The following GLDC variants were observed in gnomAD, a reference collection of about 807,000 sequenced individuals.
GLDC encodes the protein glycine decarboxylase, also known as glycine dehydrogenase (decarboxylating), mitochondrial.
Under a neutral mutation model 121.3 loss-of-function variants are expected in GLDC, and 104 were observed. That is an observed-to-expected ratio of 0.86 (90% CI 0.73 to 1.01). The LOEUF is 1.01. GLDC is among the 50% of genes least tolerant of loss of function. GLDC has a pLI of 0.00. For synonymous variants in GLDC, 546 were observed against 480.6 expected (o/e 1.14, Z -1.78); for missense variants, 1,429 against 1,306.6 (o/e 1.09, Z -1.44).
intron 15 of GLDC, among the ~76,000 whole-genome samples, chr9:6,582,653 C>T (rs914354145): frequency 6.6e-6 from 1 of 151,972 alleles, no homozygotes; most frequent in Admixed American, 6.6e-5. Flanking sequence ...CACGGTGAAA[C>T]CCTGTCTCTA....
At chr9:6,539,596 G>T (rs748309954) in intron 22 of GLDC, among the ~76,000 whole-genome samples, 1 of 152,166 alleles carries the variant, frequency 6.6e-6, no homozygotes, top group African/African-American at 2.4e-5. Flanking sequence ...TAAAGTGTCC[G>T]TGTCTTTCAA....
intron 8 of GLDC, among the ~76,000 whole-genome samples, 197 bp downstream of exon 8, chr9:6,601,912 T>A: frequency 6.6e-6 from 1 of 152,196 alleles, no homozygotes; most frequent in South Asian, 2.1e-4. Context: ...ATTACAGGCA[T>A]GAGCCACCGT....
intron 15 of GLDC, among the ~76,000 whole-genome samples, chr9:6,571,702 G>C (rs1431048116): frequency 1.3e-5 from 2 of 152,086 alleles, no homozygotes; most frequent in East Asian, 1.9e-4. Context: ...TATTTAGAAT[G>C]GTGTACAATT....
chr9:6,623,361 T>A (rs926928841), intron 2 of GLDC, among the ~76,000 whole-genome samples: 1 of 143,388 alleles, frequency 7.0e-6, no homozygotes, highest in Admixed American at 7.2e-5. Context: ...CCACTCAGGG[T>A]TAAATGGATT....
chr9:6,584,253 G>C (rs60251520), intron 15 of GLDC, among the ~76,000 whole-genome samples: 1,922 of 152,308 alleles, frequency 0.013, 27 homozygotes, highest in African/African-American at 0.044. Flanking sequence ...ATGGTTCCTT[G>C]ATGACACCTG....
At chr9:6,621,875 A>T (rs117052285) in intron 2 of GLDC, among the ~76,000 whole-genome samples, 1 of 152,164 alleles carries the variant, frequency 6.6e-6, no homozygotes, top group Admixed American at 6.5e-5. Flanking sequence ...ACCTCTCTGC[A>T]TAGAGATAGA....
chr9:6,592,818 A>G lies in GLDC; in HGVS notation c.1401+33T>C, dbSNP rs754115536. On this transcript the variant is annotated intron_variant, in intron 10 of 24. Coordinates refer to ENST00000321612, the MANE Select transcript of GLDC (RefSeq NM_000170.3). ...AATGAGAAACAATGTGAAAATTTGA[A>G]AAACTGGTAAAAATACTGAAAATTT... is the stretch of plus-strand genomic sequence containing the variant. 2.5e-6 allele frequency: 4 copies of G among 1,602,120 alleles called. No individual in the cohort carries two copies. In the African/African-American group the frequency reaches 5.4e-5, roughly 22 times the overall value.
intron 21 of GLDC, among the ~76,000 whole-genome samples, chr9:6,546,106 A>T (rs1817382444): frequency 6.6e-6 from 1 of 152,038 alleles, no homozygotes; most frequent in East Asian, 1.9e-4. Flanking sequence ...TTTACTTTTT[A>T]AACTTTTTTG....
At chr9:6,644,832 A>C in intron 1 of GLDC, 140 bp from the exon 2 acceptor site, 1 of 699,812 alleles carries the variant, frequency 1.4e-6, no homozygotes, top group Non-Finnish European at 2.6e-6. Flanking sequence ...GAAAACTCTG[A>C]GCAAGCCAGA....
chr9:6,558,402 G>T, intron 17 of GLDC, 157 bp downstream of exon 17: 2 of 813,322 alleles, frequency 2.5e-6, no homozygotes, highest in South Asian at 1.4e-5. Flanking sequence ...TCTCCCTGTT[G>T]GTGATGGGAG....
rs181246875 is a variant in GLDC at position 6,611,534 on chromosome 9, C to A, written c.471-1178G>T. Among the ~76,000 whole-genome samples the A allele has an allele frequency of 2.8e-3, 391 of 140,684 alleles. 1 individual carries two copies. The highest frequency in any genetic ancestry group is 0.01 in the African/African-American group (381 of 38,072). 92.3% of individuals were successfully genotyped at this position (140,684 alleles called of 152,430 possible). A position where few individuals can be genotyped will look rare whatever the true frequency, so the allele number is the denominator to read the frequency against. On this transcript the variant is annotated intron_variant, in intron 3 of 24. Coordinates refer to ENST00000321612, the MANE Select transcript of GLDC (RefSeq NM_000170.3). ...TCACGCCACTGTACTCCAGCCTGGG[C>A]AACAGAGCAAGACTCCGTCTCAAAA... is the stretch of plus-strand genomic sequence containing the variant.
At position 6,610,366 on chromosome 9, in the gene GLDC, A is replaced by G. The variant is rs369391624; in HGVS notation, c.471-10T>C. On this transcript the variant is annotated splice_polypyrimidine_tract_variant and intron_variant, in intron 3 of 24. Transcript: ENST00000321612. ...AGTATACTGGGTGATCCTGCAAGGGAAACAAAAGGTCTTGTCCAAACTGAC... is the reference window on the plus strand; with the variant it reads ...AGTATACTGGGTGATCCTGCAAGGGGAACAAAAGGTCTTGTCCAAACTGAC... 1 of 1,613,894 alleles carries G rather than the reference A, an allele frequency of 6.2e-7. No individual in the cohort carries two copies. The highest frequency in any genetic ancestry group is 8.5e-7 in the Non-Finnish European group (1 of 1,179,816).
chr9:6,578,674 G>A (rs947502555), intron 15 of GLDC, among the ~76,000 whole-genome samples: 2 of 151,976 alleles, frequency 1.3e-5, no homozygotes, highest in African/African-American at 4.8e-5. Flanking sequence ...AAAGTAGCTG[G>A]GACCACAGGT....
Position 6,565,411 on chromosome 9 carries a change from A to G in GLDC, c.1869T>C (p.Tyr623=), listed in dbSNP as rs2129758380. Residue 623 remains tyrosine, a synonymous_variant, in exon 16 of 25, where the codon TAT becomes TAC. Coordinates refer to ENST00000321612, the MANE Select transcript of GLDC (RefSeq NM_000170.3). ...FQPNSGAQGE[Y]AGLATIRAYL... ...AGGCTCGGATAGTGGCCAGTCCAGCATATTCTCCCTGGGCTCCGCTTGCAA... is the reference window on the plus strand; with the variant it reads ...AGGCTCGGATAGTGGCCAGTCCAGCGTATTCTCCCTGGGCTCCGCTTGCAA... 6.2e-7 allele frequency: 1 copy of G among 1,613,608 alleles called. No homozygotes were observed. Among genetic ancestry groups the G allele is most frequent in the African/African-American group, 1.3e-5 (1 of 75,020 alleles).
At chr9:6,614,878 G>C (rs7876003) in intron 3 of GLDC, among the ~76,000 whole-genome samples, 32,555 of 152,098 alleles carry the variant, frequency 0.21, 3,880 homozygotes, top group East Asian at 0.43. Flanking sequence ...CCAACATGTA[G>C]AGCATGTTAC....
chr9:6,613,834 T>C (rs539311728), intron 3 of GLDC, among the ~76,000 whole-genome samples: 5 of 152,194 alleles, frequency 3.3e-5, no homozygotes, highest in Non-Finnish European at 7.4e-5. Flanking sequence ...TGGAGTGCAG[T>C]GGCACGATCT....
intron 2 of GLDC, among the ~76,000 whole-genome samples, chr9:6,643,265 T>C (rs1197357833): frequency 6.6e-6 from 1 of 151,710 alleles, no homozygotes; most frequent in African/African-American, 2.4e-5. Flanking sequence ...TCTCAATTAG[T>C]TCAATTCAGC....
Position 6,610,495 on chromosome 9 carries a change from T to C in GLDC, c.471-139A>G, listed in dbSNP as rs1433600084. 11 of 777,334 alleles carry C rather than the reference T, an allele frequency of 1.4e-5. No individual in the cohort carries two copies. The East Asian group carries it at 2.7e-4, about 19-fold the overall frequency. 48.2% of individuals were successfully genotyped at this position (777,334 alleles called of 1,614,324 possible). A position where few individuals can be genotyped will look rare whatever the true frequency, so the allele number is the denominator to read the frequency against. On this transcript the variant is annotated intron_variant, in intron 3 of 24. Transcript: ENST00000321612. ...TTACATAACACACCAGTAAGCTTCTTTTTGGCCTTTGTAAAGCTTAGAATT... is the reference window on the plus strand; with the variant it reads ...TTACATAACACACCAGTAAGCTTCTCTTTGGCCTTTGTAAAGCTTAGAATT...
chr9:6,587,914 A>AT (rs1818302780), intron 14 of GLDC, among the ~76,000 whole-genome samples: 1 of 152,158 alleles, frequency 6.6e-6, no homozygotes, highest in Non-Finnish European at 1.5e-5. Flanking sequence ...AGAAAAAAAA[A>AT]GCTTCGCTAA....
Sources: gnomAD v4.1 joint callset for allele counts (sites outside exome capture counted in the v4.1 genomes callset) on GRCh38, gnomAD v4.1.1 for gene constraint, MANE v1.5 for transcripts, NCBI Gene and HGNC (gene_info 2026-07-23, HGNC 2026-07-21) for gene names.